Variants in CFAP54 observed in about 807,000 individuals in gnomAD.
The protein encoded by CFAP54 is cilia and flagella associated protein 54, also known as cilia- and flagella-associated protein 54.
CFAP54 carries 290 observed loss-of-function variants against 370.4 expected under a neutral mutation model. The observed-to-expected ratio is 0.78, with a 90% confidence interval of 0.71 to 0.86. CFAP54 has a LOEUF of 0.86. CFAP54 is among the 40% of genes least tolerant of loss of function. CFAP54 has a pLI of 0.00. For missense variants in CFAP54, 3,399 were observed against 3,528.7 expected (o/e 0.96, Z 0.93); for synonymous variants, 1,206 against 1,236.5 (o/e 0.98, Z 0.52).
intron 9 of CFAP54, among the ~76,000 whole-genome samples, chr12:96,528,174 T>C (rs975231838): frequency 2.6e-5 from 4 of 152,334 alleles, no homozygotes; most frequent in Middle Eastern, 3.4e-3. Flanking sequence ...AGAATAATTT[T>C]TATAGATACC....
intron 66 of CFAP54, among the ~76,000 whole-genome samples, chr12:96,860,128 T>A (rs907005562): frequency 2.3e-5 from 3 of 128,310 alleles, no homozygotes; most frequent in Admixed American, 9.7e-5. Context: ...AAAAACTTGT[T>A]CTCTAATTTT....
At chr12:96,680,667 A>AC (rs11445171) in intron 40 of CFAP54, among the ~76,000 whole-genome samples, 4,091 of 151,710 alleles carry the variant, frequency 0.027, 198 homozygotes, top group African/African-American at 0.091. Context: ...GTTGTTGCCC[A>AC]CCCCCCACAC....
intron 39 of CFAP54, among the ~76,000 whole-genome samples, chr12:96,673,523 C>T (rs1362951): frequency 0.89 from 134,782 of 152,286 alleles, 59,888 homozygotes; most frequent in East Asian, 0.96. Context: ...TTGTAGCTCT[C>T]TCTAAGATTT....
rs915630305 is a variant in CFAP54, at chr12:96,858,540, G to A, written c.9172-2279G>A. Among the ~76,000 whole-genome samples the A allele has an allele frequency of 6.6e-5, 10 of 152,242 alleles. 1 individual carries two copies. In the East Asian group the frequency reaches 7.7e-4, roughly 12 times the overall value. On this transcript the variant is annotated intron_variant, in intron 66 of 67. Transcript: ENST00000524981. Reference sequence around the variant, plus strand: ...TTTGCTTTTGTTGTGATTGTTTTTAGTGTCTTTGTCATGAGACCTTTGCTC... The same window carrying A: ...TTTGCTTTTGTTGTGATTGTTTTTAATGTCTTTGTCATGAGACCTTTGCTC...
At chr12:96,591,286 G>A (rs971549740) in intron 23 of CFAP54, among the ~76,000 whole-genome samples, 1 of 152,090 alleles carries the variant, frequency 6.6e-6, no homozygotes, top group Non-Finnish European at 1.5e-5. Context: ...GGCCATTGGT[G>A]AATTCAAGAG....
intron 62 of CFAP54, 32 bp from the exon 63 acceptor site, chr12:96,792,297 T>C: frequency 2.1e-6 from 3 of 1,448,550 alleles, no homozygotes; most frequent in Non-Finnish European, 2.7e-6. Context: ...TTATTACCAG[T>C]AATTAAACTG....
intron 30 of CFAP54, among the ~76,000 whole-genome samples, chr12:96,629,674 A>AT (rs11457026): frequency 0.69 from 104,907 of 151,868 alleles, 36,852 homozygotes; most frequent in Middle Eastern, 0.73. Flanking sequence ...AGGCATTTAA[A>AT]TCTTCCTAAT....
chr12:96,755,814 C>T lies in CFAP54; in HGVS notation c.7841-644C>T, dbSNP rs144128475. 7.0e-4 allele frequency among the ~76,000 whole-genome samples: 107 copies of T among 151,844 alleles called. No individual in the cohort carries two copies. In the East Asian group the frequency reaches 0.018, roughly 26 times the overall value. On this transcript the variant is annotated intron_variant, in intron 56 of 67. Coordinates refer to ENST00000524981, the MANE Select transcript of CFAP54 (RefSeq NM_001306084.2). ...TCCTGAGTGGCTGGGATTACAGGCG[C>T]GCACCACCATGCCAGGCTAATTTTT...
chr12:96,525,819 T>C (rs1955374299), intron 8 of CFAP54, among the ~76,000 whole-genome samples: 1 of 152,184 alleles, frequency 6.6e-6, no homozygotes, highest in Admixed American at 6.5e-5. Flanking sequence ...GCCTCCCAAG[T>C]AACTGGGACT....
intron 26 of CFAP54, among the ~76,000 whole-genome samples, chr12:96,604,797 A>T (rs774376645): frequency 5.3e-5 from 8 of 152,232 alleles, no homozygotes; most frequent in Non-Finnish European, 1.0e-4. Flanking sequence ...CATGGGAGGG[A>T]ATCTCCTGGT....
intron 63 of CFAP54, among the ~76,000 whole-genome samples, chr12:96,792,856 T>A (rs1354714243): frequency 6.6e-6 from 1 of 151,930 alleles, no homozygotes; most frequent in Admixed American, 6.6e-5. Flanking sequence ...CTATTAAGAT[T>A]ATTTTTATAA....
At chr12:96,526,885 G>T (rs1478169462) in intron 8 of CFAP54, among the ~76,000 whole-genome samples, 1 of 97,696 alleles carries the variant, frequency 1.0e-5, no homozygotes, top group Admixed American at 1.2e-4. Flanking sequence ...CTTATAACAG[G>T]TTTTTTTTTT....
intron 8 of CFAP54, among the ~76,000 whole-genome samples, chr12:96,524,532 T>G (rs1164572729): frequency 6.6e-6 from 1 of 152,210 alleles, no homozygotes; most frequent in Non-Finnish European, 1.5e-5. Context: ...AAATACTAAA[T>G]TGCAGCCCTG....
chr12:96,504,019 C>A lies in CFAP54; in HGVS notation c.557C>A (p.Ala186Asp). Reference protein sequence around the residue: ...FFPKGFKDKTAGLTFHALSGK... With the variant: ...FFPKGFKDKTDGLTFHALSGK... ...CCAAAAGGCTTTAAAGATAAAACTG[C>A]TGGACTTACAGTAAGATGAAAGAGC... Residue 186 changes from alanine (A) to aspartate (D), a missense_variant, in exon 3 of 68, where the codon GCT becomes GAT. This residue lies in a region of CFAP54 where 559 missense variants were observed against 576.7 expected (regional missense o/e 0.97). Transcript: ENST00000524981. The A allele has an allele frequency of 1.3e-6, 2 of 1,513,918 alleles. No homozygotes were observed. The highest frequency in any genetic ancestry group is 1.8e-6 in the Non-Finnish European group (2 of 1,139,872). 93.8% of individuals were successfully genotyped at this position (1,513,918 alleles called of 1,614,324 possible).
intron 11 of CFAP54, 35 bp from the exon 12 acceptor site, chr12:96,535,477 ATTT>A: frequency 1.5e-6 from 2 of 1,343,622 alleles, no homozygotes; most frequent in South Asian, 1.3e-5. Context: ...TTTGTAAGTG[ATTT>A]TTTTGTTTCA....
chr12:96,633,305 T>C (rs1391014480), intron 32 of CFAP54, among the ~76,000 whole-genome samples: 1 of 152,250 alleles, frequency 6.6e-6, no homozygotes, highest in Admixed American at 6.5e-5. Context: ...CAGATAATTA[T>C]AGATGCATGT....
chr12:96,518,073 A>G (rs1955259710), intron 5 of CFAP54, among the ~76,000 whole-genome samples: 1 of 152,256 alleles, frequency 6.6e-6, no homozygotes, highest in African/African-American at 2.4e-5. Context: ...TCTCCATAAC[A>G]GCACTATTGT....
intron 45 of CFAP54, among the ~76,000 whole-genome samples, chr12:96,694,112 C>T (rs966599895): frequency 1.3e-5 from 2 of 152,198 alleles, no homozygotes; most frequent in African/African-American, 2.4e-5. Context: ...TGAAGACCAA[C>T]TGAACCAGAT....
chr12:96,870,691 T>G (rs1960136717), intron 67 of CFAP54, among the ~76,000 whole-genome samples: 1 of 152,156 alleles, frequency 6.6e-6, no homozygotes, highest in African/African-American at 2.4e-5. Context: ...TTTGGTTTGG[T>G]TTTTTTATGG....
Sources: gnomAD v4.1 joint callset for allele counts (sites outside exome capture counted in the v4.1 genomes callset) on GRCh38, gnomAD v4.1.1 for gene constraint, gnomAD v4.1.1 regional missense constraint, MANE v1.5 for transcripts, NCBI Gene and HGNC (gene_info 2026-07-23, HGNC 2026-07-21) for gene names.